BAZ2B: variants seen among roughly 807,000 people sequenced by gnomAD.
The protein encoded by BAZ2B is bromodomain adjacent to zinc finger domain protein 2B.
A neutral mutation model predicts 246.0 loss-of-function variants in BAZ2B; 91 were observed. The ratio of observed to expected loss-of-function variants is 0.37; its 90% CI spans 0.31 to 0.44. The LOEUF (loss-of-function observed/expected upper bound fraction) is 0.44. Among genes scored for constraint, BAZ2B ranks in the 20% least tolerant of loss-of-function variants. The probability of loss-of-function intolerance (pLI) is 1.00; values close to 1 mark genes in which losing one functional copy is unlikely to be tolerated. For synonymous variants in BAZ2B, 855 were observed against 860.0 expected, an observed-to-expected ratio of 0.99 and a Z score of 0.10; for missense variants, 2,332 against 2,533.7, an observed-to-expected ratio of 0.92 and a Z score of 1.71.
chr2:159,360,045 C>T (rs1223907457), intron 27 of BAZ2B, among the ~76,000 whole-genome samples: 2 of 152,124 alleles, frequency 1.3e-5, no homozygotes, highest in African/African-American at 4.8e-5. Context: ...AATACTGGCA[C>T]AAGACAAGGA....
intron 2 of BAZ2B, among the ~76,000 whole-genome samples, chr2:159,524,014 C>A (rs1007312157): frequency 6.6e-6 from 1 of 152,054 alleles, no homozygotes; most frequent in African/African-American, 2.4e-5. Flanking sequence ...TAATATGTTT[C>A]TATAAACTAT....
At chr2:159,503,692 G>A (rs1406259534) in intron 2 of BAZ2B, among the ~76,000 whole-genome samples, 1 of 151,996 alleles carries the variant, frequency 6.6e-6, no homozygotes, top group Admixed American at 6.6e-5. Flanking sequence ...CAATTCTCCT[G>A]CCTCAGCCTC....
intron 27 of BAZ2B, among the ~76,000 whole-genome samples, chr2:159,357,752 C>G (rs2059265550): frequency 6.6e-6 from 1 of 152,216 alleles, no homozygotes; most frequent in African/African-American, 2.4e-5. Flanking sequence ...ACCCATCAGA[C>G]TAACAGTAGA....
chr2:159,494,594 G>A (rs982988670), intron 2 of BAZ2B, among the ~76,000 whole-genome samples: 1 of 152,138 alleles, frequency 6.6e-6, no homozygotes, highest in Non-Finnish European at 1.5e-5. Context: ...GGGCTCGGTG[G>A]CATATACTCT....
intron 2 of BAZ2B, among the ~76,000 whole-genome samples, chr2:159,507,697 A>G (rs1268466209): frequency 6.6e-6 from 1 of 152,184 alleles, no homozygotes; most frequent in East Asian, 1.9e-4. Context: ...TTGAATAACC[A>G]AAAAACTTTA....
chr2:159,421,783 A>C (rs182044923), intron 13 of BAZ2B, among the ~76,000 whole-genome samples: 2 of 152,146 alleles, frequency 1.3e-5, no homozygotes, highest in Admixed American at 1.3e-4. Context: ...CCAAATAGGA[A>C]GAGAGGAAAT....
chr2:159,437,279 T>C (rs527755034), intron 8 of BAZ2B: 2 of 152,342 alleles, frequency 1.3e-5, no homozygotes, highest in South Asian at 2.1e-4. Context: ...ATTTAGTCTA[T>C]GTAGTAAAAT....
intron 3 of BAZ2B, among the ~76,000 whole-genome samples, 166 bp from the exon 4 acceptor site, chr2:159,453,967 G>A (rs753038735): frequency 1.3e-5 from 2 of 151,862 alleles, no homozygotes; most frequent in Non-Finnish European, 2.9e-5. Context: ...AATGTTTCTA[G>A]AAACATGAAG....
chr2:159,533,401 G>A (rs753998801), intron 2 of BAZ2B, among the ~76,000 whole-genome samples: 3 of 152,156 alleles, frequency 2.0e-5, no homozygotes, highest in Non-Finnish European at 4.4e-5. Flanking sequence ...TAAACTAGCT[G>A]TGCAATATAG....
chr2:159,346,465 G>A (rs2067827165), intron 31 of BAZ2B, among the ~76,000 whole-genome samples: 1 of 152,132 alleles, frequency 6.6e-6, no homozygotes, highest in African/African-American at 2.4e-5. Flanking sequence ...AGTATTTTGG[G>A]AGGCCAAAGT....
chr2:159,552,175 G>A (rs1484003256), intron 2 of BAZ2B, among the ~76,000 whole-genome samples: 1 of 152,100 alleles, frequency 6.6e-6, no homozygotes, highest in Non-Finnish European at 1.5e-5. Flanking sequence ...TTTTTAAGAT[G>A]TTGCCATTCT....
At chr2:159,368,487 T>G (rs1020383114) in intron 27 of BAZ2B, among the ~76,000 whole-genome samples, 2 of 152,180 alleles carry the variant, frequency 1.3e-5, no homozygotes, top group African/African-American at 4.8e-5. Flanking sequence ...TACCTATTAT[T>G]TATAAGTTCT....
chr2:159,626,328 A>G, the BAZ2B span, among the ~76,000 whole-genome samples: 405 of 152,332 alleles, frequency 2.7e-3, 2 homozygotes, highest in African/African-American at 9.2e-3. Context: ...AAGCGGATCT[A>G]ATAAACACCT....
intron 2 of BAZ2B, among the ~76,000 whole-genome samples, chr2:159,480,016 C>T (rs1577578654): frequency 6.6e-6 from 1 of 152,008 alleles, no homozygotes; most frequent in Non-Finnish European, 1.5e-5. Context: ...CTGCATGCAA[C>T]TAATGTTTAA....
At chr2:159,623,493 T>C in the BAZ2B span, among the ~76,000 whole-genome samples, 1 of 152,144 alleles carries the variant, frequency 6.6e-6, no homozygotes, top group Non-Finnish European at 1.5e-5. Flanking sequence ...GAAATGCACA[T>C]GAAGAATTGC....
chr2:159,338,154 G>A (rs926526252), intron 31 of BAZ2B, among the ~76,000 whole-genome samples: 2 of 151,988 alleles, frequency 1.3e-5, no homozygotes, highest in Admixed American at 1.3e-4. Context: ...TTCTGTACAG[G>A]TCCTTCTGTG....
Position 159,349,178 on chromosome 2 carries a change from A to T in BAZ2B, c.4966T>A (p.Ser1656Thr), listed in dbSNP as rs2058294215. ...PFTSSVPSLG[S>T]GLGLSEGNGN... ...TTTCCTTCTGATAACCCTAACCCCG[A>T]TCCTAGACTAGGTACAGATGATGTA... The change falls in exon 29 of 37, where the codon TCG becomes ACG. Residue 1656 changes from serine to threonine, a missense_variant. By Grantham distance (58) the Ser-to-Thr change is moderately conservative (BLOSUM62 1). This residue lies in a region of BAZ2B where 676 missense variants were observed against 668.6 expected (regional missense o/e 1.01). Coordinates refer to ENST00000392783, the MANE Select transcript of BAZ2B (RefSeq NM_013450.4). The T allele has an allele frequency of 6.2e-7, 1 of 1,613,974 alleles. No homozygotes were observed. The highest frequency in any genetic ancestry group is 1.1e-5 in the South Asian group (1 of 91,088).
intron 3 of BAZ2B, among the ~76,000 whole-genome samples, chr2:159,477,930 C>A (rs1038611097): frequency 6.6e-6 from 1 of 152,190 alleles, no homozygotes; most frequent in Non-Finnish European, 1.5e-5. Flanking sequence ...TCAAGCGATT[C>A]TCCTGCCTTA....
chr2:159,463,083 G>A, intron 3 of BAZ2B: 2 of 705,962 alleles, frequency 2.8e-6, no homozygotes, highest in South Asian at 1.6e-5. Context: ...ACTGATCCAT[G>A]TTATAATGGG....
Sources: allele counts gnomAD v4.1 joint callset (sites outside exome capture counted in the v4.1 genomes callset), GRCh38; gene constraint gnomAD v4.1.1; regional missense constraint gnomAD v4.1.1; transcripts MANE v1.5; gene names NCBI Gene and HGNC (gene_info 2026-07-23, HGNC 2026-07-21).